GRIN2D: variants seen among roughly 807,000 people sequenced by gnomAD.
The protein encoded by GRIN2D is glutamate ionotropic receptor NMDA type subunit 2D.
Under a neutral mutation model 103.2 loss-of-function variants are expected in GRIN2D, and 37 were observed. The observed-to-expected ratio is 0.36, with a 90% CI of 0.28 to 0.47. The LOEUF is 0.47. Among genes scored for constraint, GRIN2D ranks in the 20% least tolerant of loss-of-function variants. GRIN2D has a pLI of 1.00. For synonymous variants in GRIN2D, 845 were observed against 885.6 expected (o/e 0.95, Z 0.81); for missense variants, 1,557 against 1,910.6 (o/e 0.81, Z 3.45).
In GRIN2D at chr19:48,441,249, G is replaced by A. The variant is rs571922286; in HGVS notation, c.2253-520G>A. On this transcript the variant is annotated intron_variant, in intron 11 of 13. Transcript: ENST00000263269. ...GTGGTAGTGGGCACCTATAATCCCA[G>A]CTACTTGGGAGGCTGAGGCAGGAGA... Among the ~76,000 whole-genome samples, 6 of 151,282 alleles carry A rather than the reference G, an allele frequency of 4.0e-5. No individual in the cohort carries two copies. The East Asian group carries it at 9.8e-4, about 25-fold the overall frequency.
chr19:48,402,258 G>A (rs1345134737), intron 3 of GRIN2D, among the ~76,000 whole-genome samples: 1 of 152,176 alleles, frequency 6.6e-6, no homozygotes, highest in Non-Finnish European at 1.5e-5. Context: ...ATGGCAGTGA[G>A]GAGTGGACAA....
rs1034543856 is a variant in GRIN2D, at chr19:48,443,455, G to A, written c.3529G>A (p.Ala1177Thr). The A allele has an allele frequency of 1.3e-5, 18 of 1,384,206 alleles. No individual in the cohort carries two copies. Among genetic ancestry groups the A allele is most frequent in the Non-Finnish European group, 1.5e-5 (16 of 1,073,116 alleles). The allele number at this position is 1,384,206 out of a possible 1,614,324, so 85.7% of individuals were successfully genotyped here. Reference protein sequence around the residue: ...DYLPPRSGPAAWHCRHCASLE... With the variant: ...DYLPPRSGPATWHCRHCASLE... ...CCTGCCCCCGCGCAGCGGTCCGGCC[G>A]CCTGGCACTGTCGGCACTGCGCCAG... The change falls in exon 14 of 14, where the codon GCC becomes ACC. Residue 1177 changes from alanine (A) to threonine (T), a missense_variant. Ala to Thr is a moderately conservative substitution (Grantham distance 58). Transcript: ENST00000263269. The surrounding 1 kb of genome is among the most constrained non-coding windows in gnomAD (Gnocchi z 8.9).
Position 48,421,638 on chromosome 19 carries a change from C to A in GRIN2D, c.2092-147C>A. On this transcript the variant is annotated intron_variant, in intron 10 of 13. Transcript: ENST00000263269. The surrounding 1 kb of genome is among the most constrained non-coding windows in gnomAD (Gnocchi z 4.8). ...TGCTGGGTGGGAGTGGAAAAGCATTCCCTAATGTAGTGAGCGAGTGTTGAG... is the reference window on the plus strand; with the variant it reads ...TGCTGGGTGGGAGTGGAAAAGCATTACCTAATGTAGTGAGCGAGTGTTGAG... 1 of 659,180 alleles carries A rather than the reference C, an allele frequency of 1.5e-6. No homozygotes were observed. Among genetic ancestry groups the A allele is most frequent in the Non-Finnish European group, 2.7e-6 (1 of 376,392 alleles). 40.8% of individuals were successfully genotyped at this position (659,180 alleles called of 1,614,324 possible).
In GRIN2D at chr19:48,412,433, GAAAGAAA is replaced by G. The variant is rs1569063140; in HGVS notation, c.1086-1557_1086-1551del. On this transcript the variant is annotated intron_variant, in intron 4 of 13. Coordinates refer to ENST00000263269, the MANE Select transcript of GRIN2D (RefSeq NM_000836.4). ...AAGAAAGAGAAAGAAAAGAAAGAAAGAAAGAAAGAAAGAAAGAAAGAAAGAAAGAAAG... is the reference window on the plus strand; with the variant it reads ...AAGAAAGAGAAAGAAAAGAAAGAAAGGAAAGAAAGAAAGAAAGAAAGAAAG... Among the ~76,000 whole-genome samples the G allele has an allele frequency of 8.8e-5, 11 of 124,906 alleles. No individual in the cohort carries two copies. In the South Asian group the frequency reaches 2.6e-3, roughly 30 times the overall value. 81.9% of individuals were successfully genotyped at this position (124,906 alleles called of 152,430 possible).
chr19:48,425,472 C>G (rs1971075998), intron 11 of GRIN2D, among the ~76,000 whole-genome samples: 1 of 152,152 alleles, frequency 6.6e-6, no homozygotes, highest in Non-Finnish European at 1.5e-5. Flanking sequence ...GAACTCCTAA[C>G]CTTAAGTGAT....
At chr19:48,406,769 G>C (rs1970796948) in intron 4 of GRIN2D, among the ~76,000 whole-genome samples, 1 of 152,134 alleles carries the variant, frequency 6.6e-6, no homozygotes, top group Non-Finnish European at 1.5e-5. Flanking sequence ...CGGGCATGGC[G>C]GGGGCACGGG....
Position 48,414,823 on chromosome 19 carries a change from AG to A in GRIN2D, c.1413-36del. On this transcript the variant is annotated intron_variant, in intron 6 of 13. Coordinates refer to ENST00000263269, the MANE Select transcript of GRIN2D (RefSeq NM_000836.4). This position sits in a 1 kb window ranked among gnomAD's most constrained non-coding sequence, Gnocchi z 4.6. The stretch of plus-strand genomic sequence containing the variant: ...CCTCTCTTCATGAGAGAGTCTAAGG[AG>A]GGGGTCCCCAAACTCCCCAAGCCTG... 6.2e-7 allele frequency: 1 copy of A among 1,604,450 alleles called. No homozygotes were observed. Among genetic ancestry groups the A allele is most frequent in the Non-Finnish European group, 8.5e-7 (1 of 1,174,212 alleles).
At position 48,404,740 on chromosome 19, in the gene GRIN2D, G is replaced by T; in HGVS notation, c.472G>T (p.Gly158Cys). 6.3e-7 allele frequency: 1 copy of T among 1,599,428 alleles called. No individual in the cohort carries two copies. The highest frequency in any genetic ancestry group is 1.1e-5 in the South Asian group (1 of 88,992). ...AALVLTPKEK[G>C]STFLQLGSST... ...CCTCCTCCCTCCCTGGCAGGAGAAGGGCTCCACCTTCCTGCAGCTGGGCTC... is the reference window on the plus strand; with the variant it reads ...CCTCCTCCCTCCCTGGCAGGAGAAGTGCTCCACCTTCCTGCAGCTGGGCTC... The change falls in exon 4 of 14, where the codon GGC (glycine) becomes TGC (cysteine). Residue 158 changes from glycine (G) to cysteine (C), a missense_variant. Physicochemically the swap from Gly to Cys is radical, Grantham distance 159 (BLOSUM62 -3). Around this residue, in one of 7 missense-constraint regions of GRIN2D, gnomAD observed 490 missense variants for 601.1 expected, o/e 0.82. Coordinates refer to ENST00000263269, the MANE Select transcript of GRIN2D (RefSeq NM_000836.4).
chr19:48,402,168 G>GAAAGAAAGAA (rs754486729), intron 3 of GRIN2D, among the ~76,000 whole-genome samples: 2 of 145,790 alleles, frequency 1.4e-5, no homozygotes, highest in Non-Finnish European at 3.0e-5. Flanking sequence ...AAGAAAGAAA[G>GAAAGAAAGAA]AGAGAAAAGA....
rs367733669 is a variant in GRIN2D, at chr19:48,394,529, G to A, written c.-305-129G>A. Among the ~76,000 whole-genome samples, 8 of 149,958 alleles carry A rather than the reference G, an allele frequency of 5.3e-5. No individual in the cohort carries two copies. The highest frequency in any genetic ancestry group is 2.0e-4 in the African/African-American group (8 of 40,750). ...AGAGGCGGGACTGGACACATGGAAA[G>A]GGGGGAGGAGCCGGGGCTGAAGCGG... On this transcript the variant is annotated intron_variant, in intron 1 of 13. Coordinates refer to ENST00000263269, the MANE Select transcript of GRIN2D (RefSeq NM_000836.4). The surrounding 1 kb of genome is among the most constrained non-coding windows in gnomAD (Gnocchi z 5.1).
At chr19:48,429,489 T>G (rs1028399609) in intron 11 of GRIN2D, among the ~76,000 whole-genome samples, 3 of 152,160 alleles carry the variant, frequency 2.0e-5, no homozygotes, top group Admixed American at 2.0e-4. Flanking sequence ...AACCTCTGCC[T>G]CCTGGGTTCA....
intron 2 of GRIN2D, among the ~76,000 whole-genome samples, chr19:48,397,853 CCT>C (rs1008351486): frequency 1.3e-5 from 2 of 151,972 alleles, no homozygotes; most frequent in East Asian, 1.9e-4. Flanking sequence ...CTCTCTCTCC[CCT>C]CTTACCTCTG....
chr19:48,407,750 A>G (rs1970809013), intron 4 of GRIN2D, among the ~76,000 whole-genome samples: 1 of 152,258 alleles, frequency 6.6e-6, no homozygotes, highest in South Asian at 2.1e-4. Context: ...CAATGAGCAA[A>G]TAAGTAAAGA....
At position 48,443,985 on chromosome 19, in the gene GRIN2D, C is replaced by T; in HGVS notation, c.*48C>T. The stretch of plus-strand genomic sequence containing the variant: ...CCCCCTTGGTCAGCGCAGGCCACGG[C>T]CCGAGGGGGCGCCCGCAGTGGACAG... On this transcript the variant is annotated 3_prime_UTR_variant, in exon 14 of 14. Coordinates refer to ENST00000263269, the MANE Select transcript of GRIN2D (RefSeq NM_000836.4). This position sits in a 1 kb window ranked among gnomAD's most constrained non-coding sequence, Gnocchi z 8.9. 1.6e-6 allele frequency: 2 copies of T among 1,233,016 alleles called. No individual in the cohort carries two copies. The highest frequency in any genetic ancestry group is 3.2e-5 in the East Asian group (1 of 31,554). The allele number at this position is 1,233,016 out of a possible 1,614,324, so 76.4% of individuals were successfully genotyped here.
chr19:48,410,363 A>G (rs961509820), intron 4 of GRIN2D, among the ~76,000 whole-genome samples: 1 of 151,092 alleles, frequency 6.6e-6, no homozygotes, highest in Admixed American at 6.6e-5. Context: ...CCCCGTCTCT[A>G]CTAAAAATAC....
rs762819670 is a variant in GRIN2D, at chr19:48,405,213, C to T, written c.945C>T (p.Asp315=). ...FAVRSAGWRD[D]LARRVAAGVA... is the part of the protein sequence containing the mutation. ...TGCGCTCGGCTGGCTGGCGGGATGA[C>T]CTGGCTCGGCGAGTGGCAGCTGGCG... Residue 315 remains aspartate (D), a synonymous_variant, in exon 4 of 14, where the codon GAC becomes GAT. Coordinates refer to ENST00000263269, the MANE Select transcript of GRIN2D (RefSeq NM_000836.4). This position sits in a 1 kb window ranked among gnomAD's most constrained non-coding sequence, Gnocchi z 5.1. The T allele has an allele frequency of 3.0e-5, 48 of 1,602,092 alleles. 1 individual carries two copies. Among genetic ancestry groups the T allele is most frequent in the Non-Finnish European group, 3.5e-5 (41 of 1,178,262 alleles).
intron 3 of GRIN2D, among the ~76,000 whole-genome samples, chr19:48,401,081 CAA>C (rs34313286): frequency 5.6e-4 from 69 of 123,834 alleles, no homozygotes; most frequent in Middle Eastern, 3.9e-3. Context: ...AGACTGTTCT[CAA>C]AAAAAAAAAA....
chr19:48,395,295 C>T (rs276715), intron 2 of GRIN2D, among the ~76,000 whole-genome samples: 40,802 of 150,196 alleles, frequency 0.27, 5,801 homozygotes, highest in East Asian at 0.42. Flanking sequence ...CATCGCGAGC[C>T]GGTCCTCTCC....
At chr19:48,431,858 T>C (rs1971160657) in intron 11 of GRIN2D, among the ~76,000 whole-genome samples, 1 of 152,094 alleles carries the variant, frequency 6.6e-6, no homozygotes, top group African/African-American at 2.4e-5. Context: ...GTGCTGGGAT[T>C]ATAGGTGTGT....
Sources: gnomAD v4.1 joint callset for allele counts (sites outside exome capture counted in the v4.1 genomes callset) on GRCh38, gnomAD v4.1.1 for gene constraint, gnomAD v4.1.1 regional missense constraint, Gnocchi (gnomAD v3.1) non-coding constraint, MANE v1.5 for transcripts, NCBI Gene and HGNC (gene_info 2026-07-23, HGNC 2026-07-21) for gene names.